Variants in FNDC3B observed in about 807,000 individuals in gnomAD.
The protein encoded by FNDC3B is fibronectin type III domain containing 3B.
In FNDC3B, 12 loss-of-function variants were observed where a neutral mutation model predicts 151.5. That is an observed-to-expected ratio of 0.08 (90% confidence interval 0.05 to 0.13). The LOEUF is 0.13. Ranked by LOEUF, FNDC3B falls within the 10% of genes least tolerant of loss-of-function variation. FNDC3B has a pLI of 1.00. For synonymous variants in FNDC3B, 528 were observed against 549.0 expected (o/e 0.96, Z 0.54); for missense variants, 1,214 against 1,505.3 (o/e 0.81, Z 3.20).
chr3:172,251,148 T>C (rs1728045012), intron 5 of FNDC3B, 112 bp from the exon 6 acceptor site: 4 of 843,318 alleles, frequency 4.7e-6, no homozygotes, highest in South Asian at 1.9e-5. Context: ...AGTAATACTT[T>C]AGACTTCCTT....
rs1736446871 is a variant in FNDC3B at position 172,399,281 on chromosome 3, AC to A, written c.*1807del. ...AGCATGTTATATTTTTGTGTTTTATACTTTTGTAATTTTAGGTCAGTCTTGT... is the reference window on the plus strand; with the variant it reads ...AGCATGTTATATTTTTGTGTTTTATATTTTGTAATTTTAGGTCAGTCTTGT... On this transcript the variant is annotated 3_prime_UTR_variant, in exon 26 of 26. Transcript: ENST00000415807. 6.6e-6 allele frequency: 1 copy of A among 152,420 alleles called. No individual in the cohort carries two copies. The highest frequency in any genetic ancestry group is 1.5e-5 in the Non-Finnish European group (1 of 67,998). 9.4% of individuals were successfully genotyped at this position (152,420 alleles called of 1,614,324 possible).
intron 8 of FNDC3B, among the ~76,000 whole-genome samples, chr3:172,297,537 C>G (rs1321149320): frequency 1.3e-5 from 2 of 151,980 alleles, no homozygotes; most frequent in South Asian, 2.1e-4. Context: ...TGCAGTGGCA[C>G]TATCTTGGCT....
intron 1 of FNDC3B, among the ~76,000 whole-genome samples, chr3:172,049,522 A>T (rs549937968): frequency 6.6e-6 from 1 of 151,974 alleles, no homozygotes; most frequent in Non-Finnish European, 1.5e-5. Flanking sequence ...ACCTTTAAAC[A>T]TTGTTTTTTG....
chr3:172,393,259 T>G (rs757882895), intron 25 of FNDC3B, among the ~76,000 whole-genome samples: 1 of 152,108 alleles, frequency 6.6e-6, no homozygotes, highest in Non-Finnish European at 1.5e-5. Flanking sequence ...TCAGACAAAA[T>G]AGACTTTAAG....
chr3:172,327,278 T>C (rs1229652087), intron 11 of FNDC3B, among the ~76,000 whole-genome samples: 1 of 152,140 alleles, frequency 6.6e-6, no homozygotes, highest in Non-Finnish European at 1.5e-5. Context: ...TAAAATGAAC[T>C]TTCAATCTTA....
At chr3:172,305,247 T>C (rs1453038893) in intron 9 of FNDC3B, among the ~76,000 whole-genome samples, 1 of 152,336 alleles carries the variant, frequency 6.6e-6, no homozygotes, top group East Asian at 1.9e-4. Context: ...CTGTTCCCAT[T>C]TCCTCAGTTC....
chr3:172,355,706 G>A (rs1420515478), intron 22 of FNDC3B, among the ~76,000 whole-genome samples: 1 of 152,206 alleles, frequency 6.6e-6, no homozygotes, highest in Non-Finnish European at 1.5e-5. Flanking sequence ...CCCAGAGGGG[G>A]CCTAAACATC....
chr3:172,052,252 T>TTA (rs1716698782), intron 1 of FNDC3B, among the ~76,000 whole-genome samples: 1 of 151,476 alleles, frequency 6.6e-6, no homozygotes, highest in Admixed American at 6.6e-5. Context: ...GTGGGTTTTT[T>TTA]TTTTTGGTAG....
At chr3:172,153,270 T>A (rs1352827328) in intron 3 of FNDC3B, among the ~76,000 whole-genome samples, 1 of 152,092 alleles carries the variant, frequency 6.6e-6, no homozygotes, top group East Asian at 1.9e-4. Flanking sequence ...TGGGGAACAT[T>A]GAAAAACGGG....
rs1415357097 is a variant in FNDC3B at position 172,399,423 on chromosome 3, A to C, written c.*1948A>C. On this transcript the variant is annotated 3_prime_UTR_variant, in exon 26 of 26. Transcript: ENST00000415807. Reference sequence around the variant, plus strand: ...AAAAAATACATTATCAGTGATTGAAACGTTTACATGTACCCAAAAACCATA... The same window carrying C: ...AAAAAATACATTATCAGTGATTGAACCGTTTACATGTACCCAAAAACCATA... The C allele has an allele frequency of 6.6e-6, 1 of 152,638 alleles. No individual in the cohort carries two copies. Among genetic ancestry groups the C allele is most frequent in the Non-Finnish European group, 1.5e-5 (1 of 68,038 alleles). 9.5% of individuals were successfully genotyped at this position (152,638 alleles called of 1,614,324 possible).
chr3:172,227,922 T>C (rs1180282965), intron 4 of FNDC3B, among the ~76,000 whole-genome samples: 1 of 152,188 alleles, frequency 6.6e-6, no homozygotes, highest in Non-Finnish European at 1.5e-5. Context: ...AATTGGCAGC[T>C]ACATAGGAAA....
At chr3:172,094,963 G>A (rs1012233051) in intron 1 of FNDC3B, among the ~76,000 whole-genome samples, 2 of 151,892 alleles carry the variant, frequency 1.3e-5, no homozygotes, top group Non-Finnish European at 2.9e-5. Flanking sequence ...GACTTGACTA[G>A]TTCCTGAACT....
intron 3 of FNDC3B, among the ~76,000 whole-genome samples, chr3:172,152,407 GA>G (rs1249719289): frequency 6.6e-6 from 1 of 152,166 alleles, no homozygotes; most frequent in Admixed American, 6.5e-5. Context: ...ATCAGGATCA[GA>G]ATCAGACTGC....
rs990522805 is a variant in FNDC3B, at chr3:172,226,353, G to A, written c.188-518G>A. On this transcript the variant is annotated intron_variant, in intron 3 of 25. Coordinates refer to ENST00000415807, the MANE Select transcript of FNDC3B (RefSeq NM_022763.4). ...TTCTTTCCCCCTGCCTTATTCAGTT[G>A]GTTTGGAATAATTTAAGGATTTCTT... Among the ~76,000 whole-genome samples, 6 of 150,828 alleles carry A rather than the reference G, an allele frequency of 4.0e-5. No homozygotes were observed. In the East Asian group the frequency reaches 7.7e-4, roughly 19 times the overall value.
chr3:172,042,359 C>T (rs1327185357), intron 1 of FNDC3B, among the ~76,000 whole-genome samples: 1 of 152,154 alleles, frequency 6.6e-6, no homozygotes, highest in African/African-American at 2.4e-5. Context: ...GGAGTTTGTG[C>T]TCCTTTTGCT....
chr3:172,341,300 A>T (rs1733308731), intron 17 of FNDC3B, 69 bp downstream of exon 17: 1 of 1,099,548 alleles, frequency 9.1e-7, no homozygotes, highest in Admixed American at 1.7e-5. Context: ...ATAACATCAG[A>T]AGCAAATTGC....
chr3:172,268,005 C>A (rs1165432125), intron 6 of FNDC3B, among the ~76,000 whole-genome samples: 1 of 152,124 alleles, frequency 6.6e-6, no homozygotes, highest in Non-Finnish European at 1.5e-5. Context: ...ATTCTAAAGC[C>A]CTGTTATCTG....
intron 8 of FNDC3B, among the ~76,000 whole-genome samples, chr3:172,296,398 G>C (rs2108842190): frequency 6.6e-6 from 1 of 152,312 alleles, no homozygotes; most frequent in East Asian, 1.9e-4. Flanking sequence ...GACAAGGAAA[G>C]AGGGACAGAG....
intron 8 of FNDC3B, among the ~76,000 whole-genome samples, chr3:172,297,094 T>TC (rs1730654075): frequency 6.6e-6 from 1 of 152,194 alleles, no homozygotes; most frequent in Non-Finnish European, 1.5e-5. Context: ...AAGGAAGCAG[T>TC]CACCACTCAG....
Sources: gnomAD v4.1 joint callset for allele counts (sites outside exome capture counted in the v4.1 genomes callset) on GRCh38, gnomAD v4.1.1 for gene constraint, MANE v1.5 for transcripts, NCBI Gene and HGNC (gene_info 2026-07-23, HGNC 2026-07-21) for gene names.